Variants in FBXW11 observed in about 807,000 individuals in gnomAD.
FBXW11 encodes the protein F-box and WD repeat domain containing 11.
Under a neutral mutation model 77.6 loss-of-function variants are expected in FBXW11, and 19 were observed. The ratio of observed to expected loss-of-function variants is 0.24; its 90% confidence interval spans 0.17 to 0.36. The LOEUF is 0.36. FBXW11 is among the 10% of genes least tolerant of loss of function. The probability of loss-of-function intolerance (pLI) is 1.00; values close to 1 mark genes in which losing one functional copy is unlikely to be tolerated. For missense variants in FBXW11, 334 were observed against 704.2 expected (o/e 0.47, Z 5.95); for synonymous variants, 235 against 249.4 (o/e 0.94, Z 0.54).
chr5:171,999,825 CTTT>C (rs11434000), intron 1 of FBXW11, among the ~76,000 whole-genome samples: 1 of 149,230 alleles, frequency 6.7e-6, no homozygotes, highest in African/African-American at 2.5e-5. Context: ...AGAGCCAAAG[CTTT>C]TTTTTTTATT....
intron 1 of FBXW11, among the ~76,000 whole-genome samples, chr5:171,972,396 G>T (rs1020121056): frequency 3.4e-5 from 5 of 147,824 alleles, no homozygotes; most frequent in African/African-American, 1.2e-4. Context: ...AGCTACTAGG[G>T]AAGCTGAAGT....
chr5:171,914,231 CA>C (rs1761078849), intron 3 of FBXW11, 111 bp downstream of exon 3: 4 of 886,152 alleles, frequency 4.5e-6, no homozygotes, highest in Non-Finnish European at 6.8e-6. Flanking sequence ...AGCAAAACTG[CA>C]CAAAAGAAAA....
chr5:171,887,107 T>C (rs1036292332), intron 7 of FBXW11, among the ~76,000 whole-genome samples: 6 of 152,230 alleles, frequency 3.9e-5, no homozygotes, highest in Middle Eastern at 3.2e-3. Flanking sequence ...GTCTCTATTG[T>C]AGGCATTCTC....
At chr5:171,927,992 G>T (rs1761976855) in intron 2 of FBXW11, among the ~76,000 whole-genome samples, 1 of 152,146 alleles carries the variant, frequency 6.6e-6, no homozygotes, top group East Asian at 1.9e-4. Context: ...CGATCAGCAA[G>T]GTTGAGCACT....
At chr5:171,886,324 A>C (rs1261136626) in intron 7 of FBXW11, among the ~76,000 whole-genome samples, 2 of 152,002 alleles carry the variant, frequency 1.3e-5, no homozygotes, top group East Asian at 1.9e-4. Context: ...TCGCAAGGAC[A>C]AAAAACCAAA....
At chr5:171,978,018 G>A (rs1764933097) in intron 1 of FBXW11, among the ~76,000 whole-genome samples, 1 of 152,154 alleles carries the variant, frequency 6.6e-6, no homozygotes, top group South Asian at 2.1e-4. Context: ...AGGGGACCCA[G>A]GCATGGCTCC....
chr5:171,869,652 T>C lies in FBXW11; in HGVS notation c.1530+77A>G. ...GTGAGACACACAAGCGTTCCTGTGA[T>C]ACACCTAGACAGGACTATCTGCAAA... On this transcript the variant is annotated intron_variant, in intron 12 of 13. Coordinates refer to ENST00000517395, the MANE Select transcript of FBXW11 (RefSeq NM_001378974.1). This position sits in a 1 kb window ranked among gnomAD's most constrained non-coding sequence, Gnocchi z 4.1. The C allele has an allele frequency of 9.3e-7, 1 of 1,077,090 alleles. No homozygotes were observed. The highest frequency in any genetic ancestry group is 1.7e-5 in the South Asian group (1 of 59,920). 66.7% of individuals were successfully genotyped at this position (1,077,090 alleles called of 1,614,324 possible).
chr5:171,894,853 TG>T (rs1417926447), intron 6 of FBXW11, among the ~76,000 whole-genome samples: 1 of 152,182 alleles, frequency 6.6e-6, no homozygotes, highest in Non-Finnish European at 1.5e-5. Context: ...AAGGTTCAAA[TG>T]AGATTATGTA....
intron 2 of FBXW11, among the ~76,000 whole-genome samples, chr5:171,922,416 C>T (rs839276): frequency 0.86 from 131,306 of 152,210 alleles, 57,882 homozygotes; most frequent in East Asian, 1. Flanking sequence ...CAAATCTTGC[C>T]AACACATTGC....
chr5:171,944,868 AAAT>A (rs1762929113), intron 2 of FBXW11, among the ~76,000 whole-genome samples: 1 of 152,222 alleles, frequency 6.6e-6, no homozygotes, highest in Non-Finnish European at 1.5e-5. Context: ...CTATGACAGC[AAAT>A]AATATTATAC....
intron 3 of FBXW11, among the ~76,000 whole-genome samples, chr5:171,913,942 A>G (rs1279191948): frequency 6.6e-6 from 1 of 152,132 alleles, no homozygotes; most frequent in African/African-American, 2.4e-5. Flanking sequence ...AGACAAGCTT[A>G]AAAGGAAAAG....
intron 1 of FBXW11, among the ~76,000 whole-genome samples, chr5:171,973,940 G>A (rs1764675171): frequency 6.6e-6 from 1 of 152,066 alleles, no homozygotes; most frequent in Non-Finnish European, 1.5e-5. Context: ...ATAATGGAAT[G>A]ATATATATGT....
chr5:171,959,059 T>C (rs753384843), intron 1 of FBXW11, among the ~76,000 whole-genome samples: 2 of 150,856 alleles, frequency 1.3e-5, no homozygotes, highest in African/African-American at 2.4e-5. Flanking sequence ...ATCTAGTATC[T>C]GTCACTTACT....
intron 1 of FBXW11, among the ~76,000 whole-genome samples, chr5:171,967,449 A>T (rs187980173): frequency 2.0e-5 from 3 of 152,356 alleles, no homozygotes; most frequent in Admixed American, 6.5e-5. Context: ...GCATAGAAAG[A>T]AAGTTACAAT....
At chr5:171,937,828 A>T (rs901595490) in intron 2 of FBXW11, among the ~76,000 whole-genome samples, 74 of 149,530 alleles carry the variant, frequency 4.9e-4, no homozygotes, top group Non-Finnish European at 9.3e-4. Flanking sequence ...ACCTTGGCTC[A>T]AAAAAAAGCA....
chr5:171,887,310 T>A (rs1027851759), intron 7 of FBXW11, among the ~76,000 whole-genome samples: 6 of 152,200 alleles, frequency 3.9e-5, no homozygotes, highest in Non-Finnish European at 8.8e-5. Context: ...AACAGTTTCT[T>A]ATATTCTATA....
intron 3 of FBXW11, 29 bp downstream of exon 3, chr5:171,914,314 C>T: frequency 6.3e-7 from 1 of 1,576,808 alleles, no homozygotes; most frequent in Non-Finnish European, 8.6e-7. Context: ...AAGTCAGTTG[C>T]TATCTAATCT....
rs114078460 is a variant in FBXW11 at position 171,878,703 on chromosome 5, T to C, written c.853-574A>G. On this transcript the variant is annotated intron_variant, in intron 7 of 13. Coordinates refer to ENST00000517395, the MANE Select transcript of FBXW11 (RefSeq NM_001378974.1). ...TACTCAGGAGGCTGAGGTGACAGAA[T>C]TGCTTGAGCCCAGAAGGCAAGGCTG... 5.8e-3 allele frequency among the ~76,000 whole-genome samples: 878 copies of C among 151,440 alleles called. 5 individuals carry two copies. The highest frequency in any genetic ancestry group is 0.02 in the African/African-American group (807 of 41,246).
chr5:171,906,884 A>C (rs1281648114), intron 4 of FBXW11, among the ~76,000 whole-genome samples: 1 of 152,186 alleles, frequency 6.6e-6, no homozygotes, highest in Admixed American at 6.5e-5. Flanking sequence ...AATCTCTGTC[A>C]CATTTATGGT....
Sources: allele counts gnomAD v4.1 joint callset (sites outside exome capture counted in the v4.1 genomes callset), GRCh38; gene constraint gnomAD v4.1.1; non-coding constraint Gnocchi (gnomAD v3.1); transcripts MANE v1.5; gene names NCBI Gene and HGNC (gene_info 2026-07-23, HGNC 2026-07-21).